UGT1A8: variants seen among roughly 807,000 people sequenced by gnomAD.
The protein encoded by UGT1A8 is UDP glucuronosyltransferase family 1 member A8.
Under a neutral mutation model 45.3 loss-of-function variants are expected in UGT1A8, and 39 were observed. That is an observed-to-expected ratio of 0.86 (90% CI 0.67 to 1.12). The LOEUF is 1.12. UGT1A8 is among the 50% of genes most tolerant of loss of function. The pLI, the probability that UGT1A8 is intolerant of heterozygous loss-of-function variation, is 0.00. For missense variants in UGT1A8, 719 were observed against 664.9 expected (o/e 1.08, Z -0.90); for synonymous variants, 275 against 249.2 (o/e 1.10, Z -0.97).
intron 1 of UGT1A8, among the ~76,000 whole-genome samples, chr2:233,627,929 A>G (rs2073119524): frequency 1.3e-5 from 2 of 152,048 alleles, no homozygotes; most frequent in Admixed American, 1.3e-4. Flanking sequence ...GCCATGAGAG[A>G]TCACTTTTTA....
chr2:233,721,021 C>T (rs914413376), intron 1 of UGT1A8, among the ~76,000 whole-genome samples: 6 of 152,026 alleles, frequency 3.9e-5, no homozygotes, highest in Non-Finnish European at 8.8e-5. Context: ...AGGGAGCCAT[C>T]TTTCTTGTGA....
At chr2:233,655,711 G>A (rs1290760128) in intron 1 of UGT1A8, among the ~76,000 whole-genome samples, 2 of 152,314 alleles carry the variant, frequency 1.3e-5, no homozygotes, top group East Asian at 3.9e-4. Flanking sequence ...TCTGGCCTCA[G>A]GGTGCCTGTC....
At chr2:233,635,208 G>A (rs1169752772) in intron 1 of UGT1A8, among the ~76,000 whole-genome samples, 1 of 150,550 alleles carries the variant, frequency 6.6e-6, no homozygotes, top group South Asian at 2.1e-4. Context: ...TGTGTAACAG[G>A]ACCTTTCTCT....
At chr2:233,620,851 C>G (rs2072991142) in intron 1 of UGT1A8, among the ~76,000 whole-genome samples, 1 of 152,122 alleles carries the variant, frequency 6.6e-6, no homozygotes, top group South Asian at 2.1e-4. Context: ...CAGGATATGT[C>G]TGGGAAAAGC....
chr2:233,761,935 G>A (rs1036526239), intron 1 of UGT1A8, among the ~76,000 whole-genome samples: 1 of 152,192 alleles, frequency 6.6e-6, no homozygotes, highest in African/African-American at 2.4e-5. Context: ...GCACTTCCCA[G>A]GTGCTGCGTC....
intron 1 of UGT1A8, among the ~76,000 whole-genome samples, chr2:233,706,103 A>T (rs564369770): frequency 6.6e-6 from 1 of 152,060 alleles, no homozygotes; most frequent in Non-Finnish European, 1.5e-5. Context: ...TTAAAAAAAA[A>T]CCAAGAATTT....
chr2:233,732,960 T>C (rs2078342290), intron 1 of UGT1A8, among the ~76,000 whole-genome samples: 1 of 152,142 alleles, frequency 6.6e-6, no homozygotes, highest in South Asian at 2.1e-4. Context: ...TGTTCTTCCA[T>C]TTGTTTGTGT....
chr2:233,654,644 C>T (rs1414218646), intron 1 of UGT1A8, among the ~76,000 whole-genome samples: 1 of 152,186 alleles, frequency 6.6e-6, no homozygotes, highest in African/African-American at 2.4e-5. Flanking sequence ...GATTGCTTGG[C>T]GACATAGCAA....
chr2:233,719,008 C>T (rs775074896), intron 1 of UGT1A8: 43 of 1,614,048 alleles, frequency 2.7e-5, no homozygotes, highest in Admixed American at 2.5e-4. Flanking sequence ...GTCCTCACCC[C>T]AGAGGTGAAT....
At chr2:233,764,025 G>T (rs1387179659) in intron 1 of UGT1A8, among the ~76,000 whole-genome samples, 1 of 152,188 alleles carries the variant, frequency 6.6e-6, no homozygotes, top group Non-Finnish European at 1.5e-5. Flanking sequence ...TGGTGTCTAA[G>T]TGCTAAAGAA....
chr2:233,704,871 C>T (rs2075811084), intron 1 of UGT1A8, among the ~76,000 whole-genome samples: 1 of 152,170 alleles, frequency 6.6e-6, no homozygotes, highest in African/African-American at 2.4e-5. Context: ...CGGTGGCTCA[C>T]TCCTGTAATC....
intron 1 of UGT1A8, among the ~76,000 whole-genome samples, chr2:233,687,583 TAAAAAAAAA>T (rs71398794): frequency 9.3e-6 from 1 of 107,468 alleles, no homozygotes; most frequent in South Asian, 3.0e-4. Flanking sequence ...ACATTCTTTG[TAAAAAAAAA>T]AAAAAAAAAA....
intron 1 of UGT1A8, among the ~76,000 whole-genome samples, chr2:233,757,587 A>G (rs1696672783): frequency 9.1e-6 from 1 of 109,366 alleles, no homozygotes; most frequent in Middle Eastern, 4.5e-3. Context: ...CTATAGTCTA[A>G]TAGCAAGGAC....
chr2:233,730,318 A>G (rs972603934), intron 1 of UGT1A8, among the ~76,000 whole-genome samples: 3 of 152,210 alleles, frequency 2.0e-5, no homozygotes, highest in African/African-American at 7.2e-5. Flanking sequence ...TGGCAGGAAC[A>G]GGGACACTAC....
intron 1 of UGT1A8, among the ~76,000 whole-genome samples, chr2:233,745,982 A>G (rs1693272661): frequency 2.0e-5 from 3 of 151,698 alleles, no homozygotes; most frequent in South Asian, 2.1e-4. Flanking sequence ...TGGGACCATG[A>G]CAGCTGGGTC....
At position 233,768,333 on chromosome 2, in the gene UGT1A8, A is replaced by C. The variant is rs28934877; in HGVS notation, c.1189A>C (p.Asn397His). The change falls in exon 4 of 5, where the codon AAT becomes CAT. Residue 397 changes from asparagine (N) to histidine (H), a missense_variant. By Grantham distance (68) the Asn-to-His change is moderately conservative. Transcript: ENST00000373450. ...GCCCTTGTTTGGTGATCAGATGGAC[A>C]ATGCAAAGCGCATGGAGACTAAGGG... Reference protein sequence around the residue: ...MMPLFGDQMDNAKRMETKGAG... With the variant: ...MMPLFGDQMDHAKRMETKGAG... The C allele has an allele frequency of 3.7e-6, 6 of 1,614,220 alleles. 1 individual carries two copies. In the East Asian group the frequency reaches 1.1e-4, roughly 30 times the overall value.
Position 233,725,059 on chromosome 2 carries a change from C to G in UGT1A8, c.856-41975C>G, listed in dbSNP as rs1273678780. Among the ~76,000 whole-genome samples the G allele has an allele frequency of 1.3e-3, 185 of 147,066 alleles. 18 individuals carry two copies. In the East Asian group the frequency reaches 0.027, roughly 21 times the overall value. ...AAAACCAGTCAGGCGTGGCGGCGCG[C>G]GCCTGCAATCGCAGGCACTCGGCAG... On this transcript the variant is annotated intron_variant, in intron 1 of 4. Coordinates refer to ENST00000373450, the MANE Select transcript of UGT1A8 (RefSeq NM_019076.5).
At chr2:233,637,260 T>G in intron 1 of UGT1A8, 1 of 1,613,996 alleles carries the variant, frequency 6.2e-7, no homozygotes, top group Non-Finnish European at 8.5e-7. Flanking sequence ...ATCTCTACAG[T>G]CACACATCAA....
At position 233,618,158 on chromosome 2, in the gene UGT1A8, G is replaced by T. The variant is rs147392512; in HGVS notation, c.451G>T (p.Asp151Tyr). The stretch of plus-strand genomic sequence containing the variant: ...TGATGCGGTGTTTCTTGATCCTTTT[G>T]ATGCCTGTGGCTTAATTGTTGCCAA... ...SFDAVFLDPF[D>Y]ACGLIVAKYF... is the part of the protein sequence containing the mutation. The change falls in exon 1 of 5, where the codon GAT (aspartate) becomes TAT (tyrosine). Residue 151 changes from aspartate to tyrosine, a missense_variant. Transcript: ENST00000373450. The T allele has an allele frequency of 6.2e-7, 1 of 1,613,974 alleles. No homozygotes were observed. Among genetic ancestry groups the T allele is most frequent in the Non-Finnish European group, 8.5e-7 (1 of 1,180,000 alleles).
Sources: allele counts gnomAD v4.1 joint callset (sites outside exome capture counted in the v4.1 genomes callset), GRCh38; gene constraint gnomAD v4.1.1; transcripts MANE v1.5; gene names NCBI Gene and HGNC (gene_info 2026-07-23, HGNC 2026-07-21).